OR51E2: variants seen among roughly 807,000 people sequenced by gnomAD.
The protein encoded by OR51E2 is olfactory receptor 51E2.
Under a neutral mutation model 13.7 loss-of-function variants are expected in OR51E2, and 14 were observed. That is an observed-to-expected ratio of 1.02 (90% CI 0.68 to 1.60). The LOEUF is 1.60. Ranked by LOEUF, OR51E2 falls within the 40% of genes most tolerant of loss-of-function variation. The pLI is 0.00. For synonymous variants in OR51E2, 180 were observed against 157.6 expected (o/e 1.14, Z -1.07); for missense variants, 483 against 413.8 (o/e 1.17, Z -1.45).
At chr11:4,688,986 A>G (rs1010754973) in intron 1 of OR51E2, among the ~76,000 whole-genome samples, 2 of 152,198 alleles carry the variant, frequency 1.3e-5, no homozygotes, top group African/African-American at 2.4e-5. Flanking sequence ...TAAGATGATT[A>G]TGAAACATTC....
chr11:4,680,385 G>T lies in OR51E2; in HGVS notation c.*1364C>A, dbSNP rs879720586. 1 of 152,576 alleles carries T rather than the reference G, an allele frequency of 6.6e-6. No individual in the cohort carries two copies. Among genetic ancestry groups the T allele is most frequent in the Admixed American group, 6.5e-5 (1 of 15,280 alleles). 9.5% of individuals were successfully genotyped at this position (152,576 alleles called of 1,614,324 possible). On this transcript the variant is annotated 3_prime_UTR_variant, in exon 2 of 2. Coordinates refer to ENST00000396950, the MANE Select transcript of OR51E2 (RefSeq NM_030774.4). The stretch of plus-strand genomic sequence containing the variant: ...GGCAGCTGTAAAACAGGATTATTCT[G>T]CATGTGTTGCCCACAACTAGGGCAA...
At chr11:4,693,381 G>A (rs10734440) in intron 1 of OR51E2, among the ~76,000 whole-genome samples, 142,521 of 152,260 alleles carry the variant, frequency 0.94, 67,027 homozygotes, top group Non-Finnish European at 0.98. Flanking sequence ...TGTGTTTTAT[G>A]TAAGTTGAGA....
At chr11:4,693,296 C>T (rs1202540839) in intron 1 of OR51E2, among the ~76,000 whole-genome samples, 1 of 152,118 alleles carries the variant, frequency 6.6e-6, no homozygotes, top group Non-Finnish European at 1.5e-5. Flanking sequence ...AAAGGAATTA[C>T]CAGAAAGAGA....
At chr11:4,691,728 T>A (rs1271032332) in intron 1 of OR51E2, 2 of 347,584 alleles carry the variant, frequency 5.8e-6, no homozygotes, top group Non-Finnish European at 1.1e-5. Flanking sequence ...CAGAACGAGA[T>A]GAGAGCTTAA....
In OR51E2 at chr11:4,687,114, A is replaced by T. The variant is rs545352342; in HGVS notation, c.-50-4353T>A. ...GTGTACAGAAACAAATAAACAAAAAATCTAGTCTGTAGGCCTGTATCATCT... is the reference window on the plus strand; with the variant it reads ...GTGTACAGAAACAAATAAACAAAAATTCTAGTCTGTAGGCCTGTATCATCT... On this transcript the variant is annotated intron_variant, in intron 1 of 1. Transcript: ENST00000396950. Among the ~76,000 whole-genome samples, 10 of 152,198 alleles carry T rather than the reference A, an allele frequency of 6.6e-5. No individual in the cohort carries two copies. In the South Asian group the frequency reaches 2.1e-3, roughly 32 times the overall value.
chr11:4,688,725 A>G (rs919797591), intron 1 of OR51E2, among the ~76,000 whole-genome samples: 1 of 152,224 alleles, frequency 6.6e-6, no homozygotes, highest in Non-Finnish European at 1.5e-5. Flanking sequence ...GGCTTGCATC[A>G]CAGTGGTAGC....
At position 4,681,048 on chromosome 11, in the gene OR51E2, C is replaced by G. The variant is rs183009838; in HGVS notation, c.*701G>C. On this transcript the variant is annotated 3_prime_UTR_variant, in exon 2 of 2. Coordinates refer to ENST00000396950, the MANE Select transcript of OR51E2 (RefSeq NM_030774.4). ...ACCACCATGCGAAGCTATCATATTCCCTATTTAAAAAGTTGTACACAGGCC... is the reference window on the plus strand; with the variant it reads ...ACCACCATGCGAAGCTATCATATTCGCTATTTAAAAAGTTGTACACAGGCC... 2.0e-5 allele frequency: 3 copies of G among 152,788 alleles called. No individual in the cohort carries two copies. Among genetic ancestry groups the G allele is most frequent in the Non-Finnish European group, 2.9e-5 (2 of 68,656 alleles). The allele number at this position is 152,788 out of a possible 1,614,324, so 9.5% of individuals were successfully genotyped here.
In OR51E2 at chr11:4,681,905, GGGATGAA is replaced by G; in HGVS notation, c.800_806del (p.Leu267ProfsTer55). The G allele has an allele frequency of 1.4e-5, 22 of 1,614,186 alleles. No individual in the cohort carries two copies. Among genetic ancestry groups the G allele is most frequent in the Non-Finnish European group, 1.9e-5 (22 of 1,180,040 alleles). ...TGTCACCCATGACAACACGCACAAT[GGGATGAA>G]GGCTGTTTCCAAAGCGGTGTACCAC... On this transcript the variant is annotated frameshift_variant, in exon 2 of 2. Coordinates refer to ENST00000396950, the MANE Select transcript of OR51E2 (RefSeq NM_030774.4). LOFTEE classifies it high-confidence loss of function.
intron 1 of OR51E2, chr11:4,692,181 G>T (rs1847590541): frequency 2.2e-6 from 1 of 452,634 alleles, no homozygotes; most frequent in African/African-American, 2.0e-5. Context: ...GGAAAGCAGA[G>T]AAGCTTACAG....
chr11:4,685,781 A>C (rs556555904), intron 1 of OR51E2: 1 of 152,172 alleles, frequency 6.6e-6, no homozygotes, highest in Non-Finnish European at 1.5e-5. Flanking sequence ...AACTCACCCC[A>C]ACTACCTTCT....
Position 4,681,647 on chromosome 11 carries a change from G to C in OR51E2, c.*102C>G. The C allele has an allele frequency of 7.4e-7, 1 of 1,358,226 alleles. No individual in the cohort carries two copies. The highest frequency in any genetic ancestry group is 1.3e-5 in the South Asian group (1 of 75,178). 84.1% of individuals were successfully genotyped at this position (1,358,226 alleles called of 1,614,324 possible). A position where few individuals can be genotyped will look rare whatever the true frequency, so the allele number is the denominator to read the frequency against. On this transcript the variant is annotated 3_prime_UTR_variant, in exon 2 of 2. Transcript: ENST00000396950. ...ACTTTAGTTTACTATTCCAGCCAGA[G>C]AAAAGTACTGATGTGCTTATGGGCA...
rs1847454660 is a variant in OR51E2, at chr11:4,681,881, G to A, written c.831C>T (p.Asp277=). ...TGACAGGAGGCAGCAGCAGGTAGAT[G>A]TCACCCATGACAACACGCACAATGG... ...LHPIVRVVMG[D]IYLLLPPVIN... Residue 277 remains aspartate, a synonymous_variant, in exon 2 of 2, where the codon GAC becomes GAT. Transcript: ENST00000396950. The A allele has an allele frequency of 1.2e-6, 2 of 1,614,022 alleles. No homozygotes were observed. Among genetic ancestry groups the A allele is most frequent in the South Asian group, 1.1e-5 (1 of 91,084 alleles).
At chr11:4,691,967 T>C (rs150890003) in intron 1 of OR51E2, among the ~76,000 whole-genome samples, 27 of 152,354 alleles carry the variant, frequency 1.8e-4, no homozygotes, top group African/African-American at 5.8e-4. Context: ...GTTTATATCA[T>C]GTGACCACTC....
At position 4,682,771 on chromosome 11, in the gene OR51E2, C is replaced by A; in HGVS notation, c.-50-10G>T. 1 of 1,555,074 alleles carries A rather than the reference C, an allele frequency of 6.4e-7. No homozygotes were observed. The highest frequency in any genetic ancestry group is 8.7e-7 in the Non-Finnish European group (1 of 1,148,054). On this transcript the variant is annotated splice_polypyrimidine_tract_variant and intron_variant, in intron 1 of 1. Coordinates refer to ENST00000396950, the MANE Select transcript of OR51E2 (RefSeq NM_030774.4). ...AGGTCACACTGGCAGTCTGCAGGGA[C>A]ATAGAGCACAATCAGAGAATGCCCT...
chr11:4,682,792 G>A, intron 1 of OR51E2, 31 bp from the exon 2 acceptor site: 4 of 1,483,552 alleles, frequency 2.7e-6, no homozygotes, highest in Non-Finnish European at 3.6e-6. Flanking sequence ...ATCAGAGAAT[G>A]CCCTGGAAAC....
At chr11:4,686,852 G>A (rs1847520344) in intron 1 of OR51E2, among the ~76,000 whole-genome samples, 1 of 151,922 alleles carries the variant, frequency 6.6e-6, no homozygotes, top group African/African-American at 2.4e-5. Context: ...CAGTCTCGGT[G>A]TCTACATTAC....
chr11:4,691,653 G>A lies in OR51E2; in HGVS notation c.-51+6000C>T, dbSNP rs1054792194. The A allele has an allele frequency of 2.2e-5, 9 of 415,368 alleles. No individual in the cohort carries two copies. The Admixed American group carries it at 2.2e-4, about 10-fold the overall frequency. The allele number at this position is 415,368 out of a possible 1,614,324, so 25.7% of individuals were successfully genotyped here. The stretch of plus-strand genomic sequence containing the variant: ...GAAGGCTTCCAGCCCAGGAACACCA[G>A]TGAGCAGGAAAATGATGGAAGTGGA... On this transcript the variant is annotated intron_variant, in intron 1 of 1. Transcript: ENST00000396950.
chr11:4,692,246 C>T, intron 1 of OR51E2: 1 of 403,300 alleles, frequency 2.5e-6, no homozygotes, highest in Non-Finnish European at 4.9e-6. Context: ...TACAAAGTAA[C>T]ACATAGGAAG....
intron 1 of OR51E2, among the ~76,000 whole-genome samples, chr11:4,687,700 G>A (rs75600820): frequency 0.011 from 1,663 of 152,290 alleles, 75 homozygotes; most frequent in Admixed American, 0.079. Flanking sequence ...GCCTGGCCCC[G>A]AGAAGTGAGC....
Sources: allele counts gnomAD v4.1 joint callset (sites outside exome capture counted in the v4.1 genomes callset), GRCh38; gene constraint gnomAD v4.1.1; transcripts MANE v1.5; gene names NCBI Gene and HGNC (gene_info 2026-07-23, HGNC 2026-07-21).